Variants in CEP126 observed in about 807,000 individuals in gnomAD.
CEP126 encodes centrosomal protein of 126 kDa.
In CEP126, 74 loss-of-function variants were observed where a neutral mutation model predicts 107.8. That is an observed-to-expected ratio of 0.69 (90% CI 0.57 to 0.83). CEP126 has a LOEUF of 0.83. Among genes scored for constraint, CEP126 ranks in the 40% least tolerant of loss-of-function variants. CEP126 has a pLI of 0.00. For missense variants in CEP126, 1,237 were observed against 1,281.9 expected (o/e 0.96, Z 0.53); for synonymous variants, 449 against 446.0 (o/e 1.01, Z -0.08).
intron 5 of CEP126, among the ~76,000 whole-genome samples, chr11:101,960,270 T>C (rs948910629): frequency 1.3e-5 from 2 of 152,130 alleles, no homozygotes; most frequent in Non-Finnish European, 2.9e-5. Flanking sequence ...GTTTATGAAA[T>C]CAGAAGTTGC....
In CEP126 at chr11:101,922,698, G is replaced by C. The variant is rs200491950; in HGVS notation, c.186G>C (p.Gln62His). The C allele has an allele frequency of 1.8e-5, 29 of 1,612,054 alleles. 1 individual carries two copies. In the East Asian group the frequency reaches 5.6e-4, roughly 31 times the overall value. Residue 62 changes from glutamine to histidine, a missense_variant, in exon 2 of 11, where the codon CAG becomes CAC. Gln to His is a conservative substitution (Grantham distance 24). Around this residue, in one of 3 missense-constraint regions of CEP126, gnomAD observed 1,134 missense variants for 1,150.5 expected, o/e 0.99. Coordinates refer to ENST00000263468, the MANE Select transcript of CEP126 (RefSeq NM_020802.4). The part of the protein sequence containing the change: ...NLEEERQILL[Q>H]QQKICRNRAR... ...AAGAAGAGCGCCAGATATTACTGCA[G>C]CAACAAAAAATATGTCGAAATCGAG...
At chr11:101,986,486 A>T (rs1941317917) in intron 8 of CEP126, among the ~76,000 whole-genome samples, 1 of 152,160 alleles carries the variant, frequency 6.6e-6, no homozygotes, top group Non-Finnish European at 1.5e-5. Flanking sequence ...AACTACTATT[A>T]TAAAGACAGT....
chr11:101,938,431 A>T (rs1940623117), intron 2 of CEP126, among the ~76,000 whole-genome samples: 1 of 139,884 alleles, frequency 7.1e-6, no homozygotes, highest in African/African-American at 2.6e-5. Flanking sequence ...CTACTTCATC[A>T]GTTTATTTTC....
chr11:101,997,319 A>G (rs1200921941), intron 10 of CEP126, among the ~76,000 whole-genome samples: 1 of 152,258 alleles, frequency 6.6e-6, no homozygotes, highest in Non-Finnish European at 1.5e-5. Context: ...TACAGGCGTT[A>G]GCCACTGTGC....
At chr11:101,956,834 C>T (rs1214288206) in intron 4 of CEP126, 1 of 409,390 alleles carries the variant, frequency 2.4e-6, no homozygotes, top group Non-Finnish European at 4.8e-6. Context: ...TATTCCTATC[C>T]ACCCCTTCAA....
chr11:101,990,832 C>G (rs1028344812), intron 9 of CEP126, among the ~76,000 whole-genome samples: 4 of 151,992 alleles, frequency 2.6e-5, no homozygotes, highest in African/African-American at 4.8e-5. Context: ...TCTCCAAGAC[C>G]CCTGAATAAG....
chr11:101,950,114 T>C (rs1369192787), intron 4 of CEP126, among the ~76,000 whole-genome samples: 1 of 152,170 alleles, frequency 6.6e-6, no homozygotes, highest in East Asian at 1.9e-4. Flanking sequence ...AAAGAGAGAA[T>C]ATCCAACATA....
rs939149970 is a variant in CEP126, at chr11:101,915,163, C to T, written c.-122C>T. The T allele has an allele frequency of 3.4e-6, 5 of 1,463,412 alleles. No homozygotes were observed. The African/African-American group carries it at 5.6e-5, about 16-fold the overall frequency. The allele number at this position is 1,463,412 out of a possible 1,614,324, so 90.7% of individuals were successfully genotyped here. A position where few individuals can be genotyped will look rare whatever the true frequency, so the allele number is the denominator to read the frequency against. The stretch of plus-strand genomic sequence containing the variant: ...AGGGCTGTCGAGGCCAACCCTTCCG[C>T]GCCCGTGACGCGGGGCCTGAGAGAC... On this transcript the variant is annotated 5_prime_UTR_variant, in exon 1 of 11. Coordinates refer to ENST00000263468, the MANE Select transcript of CEP126 (RefSeq NM_020802.4).
chr11:101,926,987 T>C lies in CEP126; in HGVS notation c.248+4227T>C, dbSNP rs145525100. On this transcript the variant is annotated intron_variant, in intron 2 of 10. Coordinates refer to ENST00000263468, the MANE Select transcript of CEP126 (RefSeq NM_020802.4). ...TTCTTGCATTGAGGATTATCTATCT[T>C]CTTGTAATTTCTCTTTTTAAAATTA... Among the ~76,000 whole-genome samples the C allele has an allele frequency of 1.8e-3, 277 of 152,264 alleles. 2 individuals carry two copies. Among genetic ancestry groups the C allele is most frequent in the African/African-American group, 6.4e-3 (264 of 41,568 alleles).
chr11:101,917,080 G>C (rs1940232202), intron 1 of CEP126, among the ~76,000 whole-genome samples: 1 of 143,432 alleles, frequency 7.0e-6, no homozygotes. Context: ...GTGTGTGCTG[G>C]TTTATATATA....
chr11:101,955,737 T>C (rs1291170731), intron 4 of CEP126: 4 of 365,308 alleles, frequency 1.1e-5, no homozygotes, highest in South Asian at 2.0e-5. Context: ...AAAAAAATAA[T>C]CTTAATAAGG....
Position 101,978,371 on chromosome 11 carries a change from G to C in CEP126, c.2870G>C (p.Arg957Pro). 3 of 1,613,142 alleles carry C rather than the reference G, an allele frequency of 1.9e-6. No homozygotes were observed. Among genetic ancestry groups the C allele is most frequent in the Non-Finnish European group, 2.5e-6 (3 of 1,179,352 alleles). The change falls in exon 7 of 11, where the codon CGA becomes CCA. Residue 957 changes from arginine to proline, a missense_variant. By Grantham distance (103) the Arg-to-Pro change is moderately radical. Transcript: ENST00000263468. The stretch of plus-strand genomic sequence containing the variant: ...GGGTCTACTGTTATGAGAAGAAAAC[G>C]AATTGCTGAAACTAAGCGGAGAAAT... ...ATGSTVMRRK[R>P]IAETKRRNIL...
intron 2 of CEP126, among the ~76,000 whole-genome samples, chr11:101,930,704 C>G (rs909131196): frequency 6.6e-6 from 1 of 152,158 alleles, no homozygotes; most frequent in African/African-American, 2.4e-5. Context: ...GCTGATTGGT[C>G]CATTTTACAG....
chr11:101,963,783 A>G lies in CEP126; in HGVS notation c.2748A>G (p.Glu916=). Residue 916 remains glutamate, a synonymous_variant, in exon 6 of 11, where the codon GAA becomes GAG. Transcript: ENST00000263468. ...CCCAAAGAAGTCCTGTTTGTGAAGA[A>G]AGTTATCCGTCTGTGACTCTAAGAA... is the stretch of plus-strand genomic sequence containing the variant. ...YCTQRSPVCE[E]SYPSVTLRTA... The G allele has an allele frequency of 6.2e-7, 1 of 1,614,190 alleles. No homozygotes were observed. Among genetic ancestry groups the G allele is most frequent in the South Asian group, 1.1e-5 (1 of 91,092 alleles).
chr11:101,972,396 A>C (rs1210067014), intron 6 of CEP126, among the ~76,000 whole-genome samples: 1 of 152,198 alleles, frequency 6.6e-6, no homozygotes, highest in East Asian at 1.9e-4. Flanking sequence ...ACTGCACTGC[A>C]GCCTGGGGGA....
chr11:101,950,195 G>C (rs1219268872), intron 4 of CEP126, among the ~76,000 whole-genome samples: 1 of 152,192 alleles, frequency 6.6e-6, no homozygotes, highest in East Asian at 1.9e-4. Flanking sequence ...AATTTTAGTG[G>C]AGTGGTGGGG....
At chr11:101,951,523 G>T (rs1202410301) in intron 4 of CEP126, among the ~76,000 whole-genome samples, 1 of 151,862 alleles carries the variant, frequency 6.6e-6, no homozygotes, top group African/African-American at 2.4e-5. Context: ...AAAGAAAAAG[G>T]AGAAGGAGAA....
chr11:101,917,032 G>A (rs1940229394), intron 1 of CEP126, among the ~76,000 whole-genome samples: 1 of 28,574 alleles, frequency 3.5e-5, no homozygotes, highest in African/African-American at 1.6e-4. Flanking sequence ...CCAACAATGT[G>A]TGTGTGTGTG....
chr11:101,944,352 A>G lies in CEP126; in HGVS notation c.336A>G (p.Glu112=), dbSNP rs1252979309. ...QILQQRKQKF[E]EVTEKFQRAH... is the part of the protein sequence containing the mutation. ...TTCAACAAAGAAAACAGAAGTTTGA[A>G]GAAGTTACTGAAAAATTCCAGCGTG... Residue 112 remains glutamate, a synonymous_variant, in exon 3 of 11, where the codon GAA becomes GAG. Coordinates refer to ENST00000263468, the MANE Select transcript of CEP126 (RefSeq NM_020802.4). The G allele has an allele frequency of 1.2e-6, 2 of 1,612,204 alleles. No individual in the cohort carries two copies. Among genetic ancestry groups the G allele is most frequent in the African/African-American group, 1.3e-5 (1 of 74,916 alleles).
Sources: allele counts gnomAD v4.1 joint callset (sites outside exome capture counted in the v4.1 genomes callset), GRCh38; gene constraint gnomAD v4.1.1; regional missense constraint gnomAD v4.1.1; transcripts MANE v1.5; gene names NCBI Gene and HGNC (gene_info 2026-07-23, HGNC 2026-07-21).